N4BP1: variants seen among roughly 807,000 people sequenced by gnomAD.
N4BP1 encodes NEDD4-binding protein 1.
Under a neutral mutation model 70.9 loss-of-function variants are expected in N4BP1, and 21 were observed. That is an observed-to-expected ratio of 0.30 (90% CI 0.21 to 0.43). N4BP1 has a LOEUF of 0.43. Among genes scored for constraint, N4BP1 ranks in the 20% least tolerant of loss-of-function variants. The probability of loss-of-function intolerance (pLI) is 1.00; values close to 1 mark genes in which losing one functional copy is unlikely to be tolerated. For missense variants in N4BP1, 936 were observed against 1,069.4 expected, an observed-to-expected ratio of 0.88 and a Z score of 1.74; for synonymous variants, 387 against 394.6, an observed-to-expected ratio of 0.98 and a Z score of 0.23.
intron 1 of N4BP1, among the ~76,000 whole-genome samples, chr16:48,581,390 T>C (rs1205282786): frequency 1.3e-5 from 2 of 152,206 alleles, no homozygotes; most frequent in East Asian, 1.9e-4. Context: ...TCTTTCAATA[T>C]GGTATTCAAA....
At chr16:48,568,051 C>A (rs1963967671) in intron 1 of N4BP1, among the ~76,000 whole-genome samples, 1 of 152,184 alleles carries the variant, frequency 6.6e-6, no homozygotes, top group Non-Finnish European at 1.5e-5. Flanking sequence ...AAACTGTTTA[C>A]CTCACCCTGC....
chr16:48,606,733 C>T (rs1964587501), intron 1 of N4BP1, among the ~76,000 whole-genome samples: 1 of 152,208 alleles, frequency 6.6e-6, no homozygotes, highest in Non-Finnish European at 1.5e-5. Context: ...TCTACTCTAG[C>T]ATTTGCAAAA....
At chr16:48,588,722 T>C (rs2151098118) in intron 1 of N4BP1, among the ~76,000 whole-genome samples, 1 of 152,268 alleles carries the variant, frequency 6.6e-6, no homozygotes, top group South Asian at 2.1e-4. Flanking sequence ...TGGTGGCCAC[T>C]AGTTACATGT....
chr16:48,590,948 A>C (rs755644734), intron 1 of N4BP1, among the ~76,000 whole-genome samples: 2 of 152,182 alleles, frequency 1.3e-5, no homozygotes, highest in Non-Finnish European at 2.9e-5. Flanking sequence ...TTTCTCAGGC[A>C]GAGAATAGGA....
At position 48,553,165 on chromosome 16, in the gene N4BP1, T is replaced by C. The variant is rs577913112; in HGVS notation, c.2020+374A>G. On this transcript the variant is annotated intron_variant, in intron 3 of 6. Coordinates refer to ENST00000262384, the MANE Select transcript of N4BP1 (RefSeq NM_153029.4). ...GAAATGATTTATATTAAGCCTTAAA[T>C]AGACTGTTAAAAAGACGTAACTTGA... Among the ~76,000 whole-genome samples the C allele has an allele frequency of 2.0e-5, 3 of 152,302 alleles. No individual in the cohort carries two copies. The South Asian group carries it at 6.2e-4, about 32-fold the overall frequency.
chr16:48,573,975 G>T (rs189581350), intron 1 of N4BP1, among the ~76,000 whole-genome samples: 2 of 152,256 alleles, frequency 1.3e-5, no homozygotes, highest in Admixed American at 6.5e-5. Context: ...GATTGGTCTT[G>T]CTATTTCAGA....
rs558179135 is a variant in N4BP1 at position 48,565,423 on chromosome 16, C to T, written c.199-2979G>A. Among the ~76,000 whole-genome samples, 3 of 152,276 alleles carry T rather than the reference C, an allele frequency of 2.0e-5. No individual in the cohort carries two copies. In the South Asian group the frequency reaches 6.2e-4, roughly 32 times the overall value. On this transcript the variant is annotated intron_variant, in intron 1 of 6. Coordinates refer to ENST00000262384, the MANE Select transcript of N4BP1 (RefSeq NM_153029.4). ...TATAATCCTGTGATTATTTTTCTTC[C>T]TAAGCCTGTTAATATGGTTGGTTAC...
chr16:48,589,090 G>T (rs1165342570), intron 1 of N4BP1, among the ~76,000 whole-genome samples: 4 of 152,096 alleles, frequency 2.6e-5, no homozygotes, highest in Non-Finnish European at 5.9e-5. Flanking sequence ...AGATACAGAT[G>T]ATTTCTGTCT....
intron 4 of N4BP1, among the ~76,000 whole-genome samples, chr16:48,550,332 G>A (rs1443717695): frequency 1.3e-5 from 2 of 152,022 alleles, no homozygotes; most frequent in Non-Finnish European, 2.9e-5. Context: ...TACCAACATA[G>A]TGAAACCCTA....
chr16:48,607,292 A>G (rs528852058), intron 1 of N4BP1, among the ~76,000 whole-genome samples: 2 of 152,356 alleles, frequency 1.3e-5, no homozygotes, highest in South Asian at 2.1e-4. Flanking sequence ...GTCATTCTCC[A>G]TGCTTGCGAT....
intron 1 of N4BP1, among the ~76,000 whole-genome samples, chr16:48,597,767 T>TAGTG (rs1964438445): frequency 6.6e-6 from 1 of 152,200 alleles, no homozygotes. Context: ...TCTCGTCATC[T>TAGTG]AGTGGCCCTA....
chr16:48,609,909 G>T lies in N4BP1; in HGVS notation c.64C>A (p.Gln22Lys). The T allele has an allele frequency of 6.9e-7, 1 of 1,454,622 alleles. No homozygotes were observed. Among genetic ancestry groups the T allele is most frequent in the Non-Finnish European group, 9.1e-7 (1 of 1,101,662 alleles). 90.1% of individuals were successfully genotyped at this position (1,454,622 alleles called of 1,614,324 possible). Residue 22 changes from glutamine to lysine, a missense_variant, in exon 1 of 7, where the codon CAG (glutamine) becomes AAG (lysine). Gln to Lys is a moderately conservative substitution (Grantham distance 53). Transcript: ENST00000262384. Reference protein sequence around the residue: ...APAEKAELLEQSRGRIEGLFG... With the variant: ...APAEKAELLEKSRGRIEGLFG... The stretch of plus-strand genomic sequence containing the variant: ...AGGCCCTCGATACGGCCGCGGCTCT[G>T]CTCCAGCAGCTCCGCCTTCTCAGCT...
At chr16:48,543,814 C>A (rs994949116) in intron 6 of N4BP1, among the ~76,000 whole-genome samples, 1 of 152,102 alleles carries the variant, frequency 6.6e-6, no homozygotes, top group Non-Finnish European at 1.5e-5. Context: ...GGCCTGCAGG[C>A]GAGAAATGAG....
chr16:48,551,523 T>C (rs1963665451), intron 3 of N4BP1, 41 bp from the exon 4 acceptor site: 2 of 1,381,746 alleles, frequency 1.4e-6, no homozygotes, highest in Non-Finnish European at 2.0e-6. Flanking sequence ...AGAAAAGGGC[T>C]ATCTTCCCAA....
In N4BP1 at chr16:48,560,870, A is replaced by G; in HGVS notation, c.1773T>C (p.Thr591=). 6.2e-7 allele frequency: 1 copy of G among 1,614,010 alleles called. No homozygotes were observed. The highest frequency in any genetic ancestry group is 8.5e-7 in the Non-Finnish European group (1 of 1,179,878). ...GAGTATCTCGAAACCTTTGAACCCC[A>G]GTAACTGAGGAATCAATATGATCAG... ...GPSDHIDSSV[T]GVQRFRDTLK... Residue 591 remains threonine, a synonymous_variant, in exon 2 of 7, where the codon ACT becomes ACC. Transcript: ENST00000262384.
chr16:48,568,773 G>T lies in N4BP1; in HGVS notation c.199-6329C>A, dbSNP rs1175210805. ...ATAAGTCACAGTCATTTGAATTGTT[G>T]TTCCTCCACATGTGGTATGCTTTTC... On this transcript the variant is annotated intron_variant, in intron 1 of 6. Coordinates refer to ENST00000262384, the MANE Select transcript of N4BP1 (RefSeq NM_153029.4). 3.3e-5 allele frequency among the ~76,000 whole-genome samples: 5 copies of T among 151,936 alleles called. No homozygotes were observed. In the East Asian group the frequency reaches 9.6e-4, roughly 29 times the overall value.
chr16:48,602,705 T>C (rs1329234045), intron 1 of N4BP1, among the ~76,000 whole-genome samples: 2 of 152,074 alleles, frequency 1.3e-5, no homozygotes, highest in Non-Finnish European at 1.5e-5. Context: ...ATTACATCTA[T>C]GAATTCTTTC....
At chr16:48,567,378 G>A (rs547918625) in intron 1 of N4BP1, among the ~76,000 whole-genome samples, 10 of 152,164 alleles carry the variant, frequency 6.6e-5, no homozygotes, top group African/African-American at 2.4e-4. Context: ...GCAGTGGCAC[G>A]CAGATCTTGG....
At position 48,564,463 on chromosome 16, in the gene N4BP1, T is replaced by C. The variant is rs74634985; in HGVS notation, c.199-2019A>G. Among the ~76,000 whole-genome samples the C allele has an allele frequency of 7.5e-3, 1,136 of 152,314 alleles. 13 individuals carry two copies. The highest frequency in any genetic ancestry group is 0.026 in the African/African-American group (1,085 of 41,562). ...ACTGAATTGCACTTTTGTCAAAAAA[T>C]CACTTTGCCATACTTGTGTGGAACT... On this transcript the variant is annotated intron_variant, in intron 1 of 6. Coordinates refer to ENST00000262384, the MANE Select transcript of N4BP1 (RefSeq NM_153029.4).
Sources: gnomAD v4.1 joint callset for allele counts (sites outside exome capture counted in the v4.1 genomes callset) on GRCh38, gnomAD v4.1.1 for gene constraint, MANE v1.5 for transcripts, NCBI Gene and HGNC (gene_info 2026-07-23, HGNC 2026-07-21) for gene names.